The following ZPBP variants were observed in gnomAD, a reference collection of about 807,000 sequenced individuals.
ZPBP encodes the protein zona pellucida-binding protein 1.
In ZPBP, 26 loss-of-function variants were observed where a neutral mutation model predicts 44.8. The observed-to-expected ratio is 0.58, with a 90% CI of 0.43 to 0.81. The LOEUF (loss-of-function observed/expected upper bound fraction) is 0.81. Ranked by LOEUF, ZPBP falls within the 30% of genes least tolerant of loss-of-function variation. The pLI is 0.00. For missense variants in ZPBP, 409 were observed against 434.0 expected (o/e 0.94, Z 0.51); for synonymous variants, 174 against 153.2 (o/e 1.14, Z -1.00).
intron 3 of ZPBP, among the ~76,000 whole-genome samples, chr7:50,064,929 T>C (rs993980591): frequency 2.6e-5 from 4 of 152,224 alleles, no homozygotes; most frequent in Admixed American, 6.5e-5. Context: ...TAAGTATCCA[T>C]GAAATCTTTA....
At chr7:49,922,326 T>C (rs986392896) in intron 1 of ZPBP, among the ~76,000 whole-genome samples, 5 of 152,218 alleles carry the variant, frequency 3.3e-5, no homozygotes, top group African/African-American at 1.2e-4. Context: ...TTTCTTTTTT[T>C]AATGGAAACA....
intron 3 of ZPBP, among the ~76,000 whole-genome samples, chr7:50,060,291 C>A (rs1801181061): frequency 6.6e-6 from 1 of 151,958 alleles, no homozygotes. Flanking sequence ...GGGACACCAT[C>A]CCCCAAGGCT....
At chr7:49,969,503 T>A (rs1796195462) in intron 7 of ZPBP, among the ~76,000 whole-genome samples, 2 of 77,276 alleles carry the variant, frequency 2.6e-5, no homozygotes, top group Admixed American at 1.2e-4. Context: ...ACTTCAATAG[T>A]ATGGTCAAAA....
chr7:50,061,209 T>C (rs891335097), intron 3 of ZPBP, among the ~76,000 whole-genome samples: 1 of 152,104 alleles, frequency 6.6e-6, no homozygotes, highest in Admixed American at 6.5e-5. Flanking sequence ...AACATCATAC[T>C]AAACAGGCAA....
At chr7:49,983,545 A>AC in intron 6 of ZPBP, 26 bp from the exon 7 acceptor site, 1 of 1,407,166 alleles carries the variant, frequency 7.1e-7, no homozygotes, top group South Asian at 1.2e-5. Flanking sequence ...AATTTGATAA[A>AC]CTGTTAGCCA....
At chr7:50,083,517 T>C (rs1168172671) in intron 2 of ZPBP, among the ~76,000 whole-genome samples, 4 of 152,038 alleles carry the variant, frequency 2.6e-5, no homozygotes, top group Non-Finnish European at 5.9e-5. Flanking sequence ...AAAATCCATT[T>C]GGAAGATTAA....
chr7:50,035,723 T>A (rs1015516559), intron 4 of ZPBP, among the ~76,000 whole-genome samples: 21 of 152,064 alleles, frequency 1.4e-4, no homozygotes, highest in African/African-American at 5.1e-4. Context: ...ACCCACTATA[T>A]AGATTAAAAG....
At chr7:49,848,640 A>G (rs1030988907), downstream of ZPBP, among the ~76,000 whole-genome samples, 68 of 152,196 alleles carry the variant, frequency 4.5e-4, no homozygotes, top group Admixed American at 1.4e-3. Context: ...TGTCAAAAAT[A>G]TGTGCATCTA....
intron 7 of ZPBP, among the ~76,000 whole-genome samples, chr7:49,956,241 TA>T: frequency 6.6e-6 from 1 of 152,166 alleles, no homozygotes; most frequent in East Asian, 1.9e-4. Flanking sequence ...CTTAAATATC[TA>T]AAAATATTTT....
At chr7:49,907,325 A>C (rs1479543257) in intron 1 of ZPBP, among the ~76,000 whole-genome samples, 1 of 152,228 alleles carries the variant, frequency 6.6e-6, no homozygotes, top group East Asian at 1.9e-4. Context: ...TCTATATGCC[A>C]GTGATAATAC....
At chr7:50,093,014 T>C (rs748709333) in intron 1 of ZPBP, 54 bp downstream of exon 1, 5 of 1,561,362 alleles carry the variant, frequency 3.2e-6, no homozygotes, top group Admixed American at 3.8e-5. Flanking sequence ...ATTCGAAGAG[T>C]GGGGGAAGCT....
chr7:49,959,836 CA>C (rs2128763725), intron 7 of ZPBP, among the ~76,000 whole-genome samples: 1 of 152,180 alleles, frequency 6.6e-6, no homozygotes, highest in Non-Finnish European at 1.5e-5. Flanking sequence ...TATGTGATTT[CA>C]ATAGTTACTA....
At chr7:50,035,168 T>C (rs1373974212) in intron 4 of ZPBP, among the ~76,000 whole-genome samples, 1 of 152,260 alleles carries the variant, frequency 6.6e-6, no homozygotes, top group Non-Finnish European at 1.5e-5. Context: ...AAATTGGATT[T>C]GTGGCTCTTT....
In ZPBP at chr7:50,093,190, T is replaced by G; in HGVS notation, c.5A>C (p.Glu2Ala). M[E>A]AFALGPARRG... ...CCGCGCTGGGCCAAGGGCGAAGGCC[T>G]CCATCCACACGCCGCCGTCGCCTGC... is the stretch of plus-strand genomic sequence containing the variant. The change falls in exon 1 of 8, where the codon GAG becomes GCG. Residue 2 changes from glutamate (E) to alanine (A), a missense_variant. Glu to Ala is a moderately radical substitution (Grantham distance 107, BLOSUM62 -1). This residue lies in a region of ZPBP where 367 missense variants were observed against 363.1 expected (regional missense o/e 1.01). Transcript: ENST00000046087. The G allele has an allele frequency of 6.6e-7, 1 of 1,523,612 alleles. No homozygotes were observed. The highest frequency in any genetic ancestry group is 8.8e-7 in the Non-Finnish European group (1 of 1,137,390). 94.4% of individuals were successfully genotyped at this position (1,523,612 alleles called of 1,614,324 possible).
intron 3 of ZPBP, among the ~76,000 whole-genome samples, chr7:50,064,832 G>A (rs1488668746): frequency 6.6e-6 from 1 of 152,138 alleles, no homozygotes; most frequent in South Asian, 2.1e-4. Context: ...GTCCTGAGGT[G>A]ACATACATCC....
intron 1 of ZPBP, chr7:49,919,752 C>G (rs1793926931): frequency 6.6e-6 from 1 of 152,360 alleles, no homozygotes; most frequent in South Asian, 2.1e-4. Flanking sequence ...TCCCACTCAT[C>G]CCCAGGGGGC....
intron 4 of ZPBP, among the ~76,000 whole-genome samples, chr7:50,050,737 T>G (rs1425169191): frequency 7.9e-6 from 1 of 126,716 alleles, no homozygotes; most frequent in Non-Finnish European, 1.5e-5. Context: ...TAACTCAAGA[T>G]GGATTGAAGC....
intron 1 of ZPBP, chr7:49,912,108 C>T: frequency 2.5e-6 from 4 of 1,614,124 alleles, no homozygotes; most frequent in Non-Finnish European, 3.4e-6. Flanking sequence ...CACCATATGC[C>T]ACTGTACTTA....
intron 3 of ZPBP, among the ~76,000 whole-genome samples, chr7:50,064,834 C>G (rs1454515569): frequency 6.6e-6 from 1 of 152,124 alleles, no homozygotes; most frequent in Admixed American, 6.5e-5. Context: ...CCTGAGGTGA[C>G]ATACATCCTC....
Sources: allele counts gnomAD v4.1 joint callset (sites outside exome capture counted in the v4.1 genomes callset), GRCh38; gene constraint gnomAD v4.1.1; regional missense constraint gnomAD v4.1.1; transcripts MANE v1.5; gene names NCBI Gene and HGNC (gene_info 2026-07-23, HGNC 2026-07-21).